Variants in LIMCH1 observed in about 807,000 individuals in gnomAD.
LIMCH1 encodes LIM and calponin homology domains 1.
A neutral mutation model predicts 176.5 loss-of-function variants in LIMCH1; 113 were observed. The observed-to-expected ratio is 0.64, with a 90% CI of 0.55 to 0.75. The LOEUF (loss-of-function observed/expected upper bound fraction) is 0.75. LIMCH1 is among the 30% of genes least tolerant of loss of function. The pLI, the probability that LIMCH1 is intolerant of heterozygous loss-of-function variation, is 0.00. For missense variants in LIMCH1, 1,674 were observed against 1,814.9 expected, an observed-to-expected ratio of 0.92 and a Z score of 1.41; for synonymous variants, 619 against 645.9, an observed-to-expected ratio of 0.96 and a Z score of 0.63.
At chr4:41,600,698 A>G (rs2089762708) in intron 2 of LIMCH1, among the ~76,000 whole-genome samples, 1 of 152,138 alleles carries the variant, frequency 6.6e-6, no homozygotes, top group Non-Finnish European at 1.5e-5. Context: ...GGCCCCATGT[A>G]TTCATCTAAA....
At chr4:41,454,533 G>A (rs2064300580) in intron 1 of LIMCH1, among the ~76,000 whole-genome samples, 2 of 151,938 alleles carry the variant, frequency 1.3e-5, no homozygotes, top group Non-Finnish European at 2.9e-5. Context: ...AGTAGGTGTG[G>A]CCAGCTGTTC....
chr4:41,526,781 C>T (rs1423711577), intron 3 of LIMCH1, among the ~76,000 whole-genome samples: 1 of 152,232 alleles, frequency 6.6e-6, no homozygotes, highest in Non-Finnish European at 1.5e-5. Flanking sequence ...TCCTGTGCAC[C>T]TATTTCCCAA....
rs549792222 is a variant in LIMCH1, at chr4:41,694,680, T to G, written c.4378+2296T>G. 2.0e-5 allele frequency among the ~76,000 whole-genome samples: 3 copies of G among 152,312 alleles called. No individual in the cohort carries two copies. The South Asian group carries it at 6.2e-4, about 32-fold the overall frequency. ...AATGGACACTTTGGTGGTTTCCCAT[T>G]TTTTAATATTATTTTTAAATGAACA... is the stretch of plus-strand genomic sequence containing the variant. On this transcript the variant is annotated intron_variant, in intron 31 of 31. Coordinates refer to ENST00000503057, the MANE Select transcript of LIMCH1 (RefSeq NM_001330672.2).
rs1378995357 is a variant in LIMCH1 at position 41,545,452 on chromosome 4, G to A, written c.-241+7102G>A. Among the ~76,000 whole-genome samples the A allele has an allele frequency of 7.9e-5, 12 of 152,318 alleles. No individual in the cohort carries two copies. The East Asian group carries it at 2.3e-3, about 29-fold the overall frequency. On this transcript the variant is annotated intron_variant, in intron 1 of 31. Coordinates refer to ENST00000503057, the MANE Select transcript of LIMCH1 (RefSeq NM_001330672.2). ...TACGAGGGGAGAGTTACTGTGGAAA[G>A]TGAAGGGCAGTGATCATCAGGAATG... is the stretch of plus-strand genomic sequence containing the variant.
chr4:41,566,781 C>T (rs73810268), intron 1 of LIMCH1, among the ~76,000 whole-genome samples: 1 of 152,026 alleles, frequency 6.6e-6, no homozygotes, highest in East Asian at 1.9e-4. Flanking sequence ...GTTAATTATA[C>T]CCCATTAAAG....
intron 1 of LIMCH1, among the ~76,000 whole-genome samples, chr4:41,486,486 C>G (rs1275824920): frequency 1.3e-5 from 2 of 152,232 alleles, no homozygotes; most frequent in South Asian, 2.1e-4. Context: ...ATGAGGGGAA[C>G]AGGAATTAGC....
chr4:41,390,239 G>GGAGA (rs34011822), intron 1 of LIMCH1, among the ~76,000 whole-genome samples: 7,051 of 138,322 alleles, frequency 0.051, 248 homozygotes, highest in African/African-American at 0.098. Flanking sequence ...TCTCTCTCAG[G>GGAGA]GAGAGAGAGA....
intron 19 of LIMCH1, chr4:41,662,007 T>G: frequency 3.3e-6 from 1 of 299,830 alleles, no homozygotes; most frequent in Non-Finnish European, 6.6e-6. Context: ...GTCTTGTTCC[T>G]CAATATTTTT....
intron 14 of LIMCH1, 132 bp downstream of exon 14, chr4:41,639,099 T>C: frequency 1.5e-6 from 1 of 684,094 alleles, no homozygotes; most frequent in South Asian, 2.1e-5. Context: ...AGCAAAGCAC[T>C]TGAAGTTGGA....
intron 1 of LIMCH1, among the ~76,000 whole-genome samples, chr4:41,585,849 G>A (rs1331655845): frequency 6.6e-6 from 1 of 152,140 alleles, no homozygotes; most frequent in Non-Finnish European, 1.5e-5. Flanking sequence ...ACACAGTTCA[G>A]CACAATATAT....
intron 5 of LIMCH1, among the ~76,000 whole-genome samples, chr4:41,616,384 C>G (rs1178513833): frequency 1.3e-5 from 2 of 151,934 alleles, no homozygotes; most frequent in Non-Finnish European, 2.9e-5. Context: ...AAAAAATTAG[C>G]TGGGCATGGT....
At chr4:41,524,132 C>A (rs142126639) in intron 2 of LIMCH1, among the ~76,000 whole-genome samples, 1 of 152,202 alleles carries the variant, frequency 6.6e-6, no homozygotes, top group African/African-American at 2.4e-5. Flanking sequence ...ATCCAGCTCT[C>A]CCCCTTGTCC....
intron 1 of LIMCH1, among the ~76,000 whole-genome samples, chr4:41,558,661 C>T (rs2081633216): frequency 6.6e-6 from 1 of 152,098 alleles, no homozygotes; most frequent in Admixed American, 6.6e-5. Context: ...GGTTCCTGTG[C>T]CCATGGTACA....
chr4:41,441,712 T>C (rs2062719657), intron 1 of LIMCH1, among the ~76,000 whole-genome samples: 1 of 152,228 alleles, frequency 6.6e-6, no homozygotes, highest in Non-Finnish European at 1.5e-5. Context: ...TTGTGTCTAA[T>C]ACTCTTTTTC....
At chr4:41,642,750 T>TTTTG in intron 14 of LIMCH1, among the ~76,000 whole-genome samples, 1 of 149,692 alleles carries the variant, frequency 6.7e-6, no homozygotes, top group Non-Finnish European at 1.5e-5. Context: ...TTTTTTTTTT[T>TTTTG]GTATTTTTAG....
At chr4:41,678,844 C>G (rs916567023) in intron 23 of LIMCH1, among the ~76,000 whole-genome samples, 2 of 152,096 alleles carry the variant, frequency 1.3e-5, no homozygotes, top group African/African-American at 4.8e-5. Flanking sequence ...AACCAAGAAG[C>G]CTAAGAAGCT....
At chr4:41,580,303 G>C (rs976525385) in intron 1 of LIMCH1, among the ~76,000 whole-genome samples, 1 of 152,100 alleles carries the variant, frequency 6.6e-6, no homozygotes, top group Admixed American at 6.5e-5. Flanking sequence ...AAAGATCAAA[G>C]AAAATGGAGA....
intron 1 of LIMCH1, among the ~76,000 whole-genome samples, chr4:41,488,845 G>A (rs1384364233): frequency 6.6e-6 from 1 of 152,102 alleles, no homozygotes; most frequent in African/African-American, 2.4e-5. Context: ...CTATTAAAAT[G>A]AATTGGGAAC....
rs1429426194 is a variant in LIMCH1 at position 41,697,464 on chromosome 4, A to G, written c.*279A>G. 2.0e-5 allele frequency: 8 copies of G among 401,250 alleles called. No homozygotes were observed. The highest frequency in any genetic ancestry group is 7.2e-5 in the East Asian group (2 of 27,720). 24.9% of individuals were successfully genotyped at this position (401,250 alleles called of 1,614,324 possible). A position where few individuals can be genotyped will look rare whatever the true frequency, so the allele number is the denominator to read the frequency against. Reference sequence around the variant, plus strand: ...CTCAAAAAAGGTTTTAGCATGGTCAAACAGGCTTATGGTTTAAAATGTGTT... The same window carrying G: ...CTCAAAAAAGGTTTTAGCATGGTCAGACAGGCTTATGGTTTAAAATGTGTT... On this transcript the variant is annotated 3_prime_UTR_variant, in exon 32 of 32. Transcript: ENST00000503057.
Sources: allele counts gnomAD v4.1 joint callset (sites outside exome capture counted in the v4.1 genomes callset), GRCh38; gene constraint gnomAD v4.1.1; transcripts MANE v1.5; gene names NCBI Gene and HGNC (gene_info 2026-07-23, HGNC 2026-07-21).